Variants in UBE4B observed in about 807,000 individuals in gnomAD.
UBE4B encodes ubiquitination factor E4B.
A neutral mutation model predicts 148.1 loss-of-function variants in UBE4B; 27 were observed. The ratio of observed to expected loss-of-function variants is 0.18; its 90% confidence interval spans 0.13 to 0.25. UBE4B has a LOEUF of 0.25. Ranked by LOEUF, UBE4B falls within the 10% of genes least tolerant of loss-of-function variation. The pLI, the probability that UBE4B is intolerant of heterozygous loss-of-function variation, is 1.00. For missense variants in UBE4B, 1,170 were observed against 1,662.4 expected, an observed-to-expected ratio of 0.70 and a Z score of 5.15; for synonymous variants, 596 against 619.3, an observed-to-expected ratio of 0.96 and a Z score of 0.56.
At chr1:10,175,494 AC>A (rs1284661575) in intron 25 of UBE4B, among the ~76,000 whole-genome samples, 2 of 142,346 alleles carry the variant, frequency 1.4e-5, no homozygotes, top group African/African-American at 2.9e-5. Flanking sequence ...TACTAAAAAT[AC>A]AAAAAATTAG....
intron 1 of UBE4B, among the ~76,000 whole-genome samples, chr1:10,056,890 A>C (rs1411077734): frequency 6.6e-6 from 1 of 151,894 alleles, no homozygotes; most frequent in African/African-American, 2.4e-5. Context: ...GCAGTGGCAC[A>C]TTCATGGCTC....
Position 10,133,317 on chromosome 1 carries a change from G to A in UBE4B, c.2025+835G>A, listed in dbSNP as rs75074334. On this transcript the variant is annotated intron_variant, in intron 15 of 27. Coordinates refer to ENST00000343090, the MANE Select transcript of UBE4B (RefSeq NM_001105562.3). ...CGTGGTTCCACCGTTTACTAACTGC[G>A]GGACCTTAGACAGTGACTCCTCTGT... Among the ~76,000 whole-genome samples, 218 of 152,238 alleles carry A rather than the reference G, an allele frequency of 1.4e-3. 4 individuals are homozygous for A. The East Asian group carries it at 0.04, about 28-fold the overall frequency.
intron 5 of UBE4B, 147 bp downstream of exon 5, chr1:10,103,239 T>TTG: frequency 1.4e-6 from 1 of 713,522 alleles, no homozygotes; most frequent in Non-Finnish European, 2.2e-6. Flanking sequence ...GAGGACACAA[T>TTG]TGTTTAGCCA....
intron 2 of UBE4B, among the ~76,000 whole-genome samples, chr1:10,090,831 G>A (rs1644836812): frequency 6.6e-6 from 1 of 150,608 alleles, no homozygotes; most frequent in South Asian, 2.1e-4. Flanking sequence ...GTGTGTGTGT[G>A]TAATACTGGA....
At chr1:10,065,310 A>G (rs1450396242) in intron 1 of UBE4B, among the ~76,000 whole-genome samples, 1 of 152,176 alleles carries the variant, frequency 6.6e-6, no homozygotes, top group Admixed American at 6.6e-5. Context: ...GTCAGGGAGC[A>G]GGATATAGAG....
intron 2 of UBE4B, among the ~76,000 whole-genome samples, chr1:10,080,187 C>T (rs138740567): frequency 1.5e-3 from 229 of 152,074 alleles, no homozygotes; most frequent in African/African-American, 5.3e-3. Flanking sequence ...TTTGGGAGGC[C>T]GAGATGGAGG....
chr1:10,127,811 A>G (rs1185817301), intron 11 of UBE4B, among the ~76,000 whole-genome samples: 11 of 152,220 alleles, frequency 7.2e-5, no homozygotes, highest in African/African-American at 2.4e-4. Context: ...TCTACTGCAA[A>G]AATAAGAGCT....
At chr1:10,146,940 T>G in intron 18 of UBE4B, 23 bp from the exon 19 acceptor site, 1 of 1,612,020 alleles carries the variant, frequency 6.2e-7, no homozygotes, top group Non-Finnish European at 8.5e-7. Flanking sequence ...GATCTTTGGG[T>G]GGGGACATCC....
intron 2 of UBE4B, among the ~76,000 whole-genome samples, chr1:10,081,383 A>G (rs1270865932): frequency 1.3e-5 from 2 of 151,950 alleles, no homozygotes; most frequent in Non-Finnish European, 2.9e-5. Context: ...ATTACTTTAT[A>G]TAATATAGGG....
intron 1 of UBE4B, among the ~76,000 whole-genome samples, chr1:10,063,323 G>T (rs954263027): frequency 9.9e-5 from 15 of 152,096 alleles, no homozygotes; most frequent in Non-Finnish European, 1.9e-4. Flanking sequence ...TTTTGGTTGG[G>T]TATTCTTCCA....
chr1:10,111,044 GAC>G (rs55936075), intron 7 of UBE4B, among the ~76,000 whole-genome samples: 11,762 of 113,110 alleles, frequency 0.1, 563 homozygotes, highest in African/African-American at 0.13. Context: ...CTCTGTCTCT[GAC>G]ACACACACAC....
At chr1:10,154,539 AAAT>A (rs1305462347) in intron 21 of UBE4B, among the ~76,000 whole-genome samples, 1 of 152,090 alleles carries the variant, frequency 6.6e-6, no homozygotes, top group African/African-American at 2.4e-5. Context: ...AGTGCAGTGA[AAAT>A]AATAAAAACA....
intron 2 of UBE4B, among the ~76,000 whole-genome samples, chr1:10,091,229 GA>G (rs1644842342): frequency 6.6e-6 from 1 of 152,168 alleles, no homozygotes; most frequent in Non-Finnish European, 1.5e-5. Flanking sequence ...TTGTGAAGAT[GA>G]AGGAAGAAAA....
intron 15 of UBE4B, among the ~76,000 whole-genome samples, chr1:10,133,927 G>A (rs2101949412): frequency 6.6e-6 from 1 of 151,914 alleles, no homozygotes; most frequent in African/African-American, 2.4e-5. Context: ...GCATAGACCT[G>A]TAGACCCAGT....
intron 11 of UBE4B, among the ~76,000 whole-genome samples, chr1:10,127,389 C>T (rs1258716387): frequency 5.9e-5 from 9 of 152,250 alleles, no homozygotes; most frequent in East Asian, 3.9e-4. Flanking sequence ...AGCTCTTTAA[C>T]GCACTTAGAG....
chr1:10,116,492 A>T (rs1436714289), intron 7 of UBE4B, among the ~76,000 whole-genome samples: 2 of 151,752 alleles, frequency 1.3e-5, no homozygotes, highest in African/African-American at 4.8e-5. Context: ...TGCCAAGTTT[A>T]TGTTTTCTCA....
chr1:10,158,291 G>A, intron 21 of UBE4B, 65 bp from the exon 22 acceptor site: 2 of 1,572,546 alleles, frequency 1.3e-6, no homozygotes, highest in South Asian at 1.1e-5. Context: ...CATTGTTGGG[G>A]CAATAACTGG....
intron 2 of UBE4B, among the ~76,000 whole-genome samples, chr1:10,085,544 G>A (rs965768026): frequency 3.3e-5 from 5 of 152,176 alleles, no homozygotes; most frequent in African/African-American, 9.7e-5. Flanking sequence ...TGTTTTGATA[G>A]GGGATGCATA....
At chr1:10,072,831 GTAT>G (rs919465951) in intron 2 of UBE4B, 2 of 185,530 alleles carry the variant, frequency 1.1e-5, no homozygotes, top group Non-Finnish European at 2.2e-5. Context: ...ATCAAATATA[GTAT>G]TATTGTCATA....
Sources: allele counts gnomAD v4.1 joint callset (sites outside exome capture counted in the v4.1 genomes callset), GRCh38; gene constraint gnomAD v4.1.1; transcripts MANE v1.5; gene names NCBI Gene and HGNC (gene_info 2026-07-23, HGNC 2026-07-21).